The following CPD variants were observed in gnomAD, a reference collection of about 807,000 sequenced individuals.
CPD encodes carboxypeptidase D.
Under a neutral mutation model 138.3 loss-of-function variants are expected in CPD, and 69 were observed. That is an observed-to-expected ratio of 0.50 (90% CI 0.41 to 0.61). The LOEUF (loss-of-function observed/expected upper bound fraction) is 0.61, where lower values mean the gene tolerates loss of function less well. CPD is among the 20% of genes least tolerant of loss of function. The pLI, the probability that CPD is intolerant of heterozygous loss-of-function variation, is 0.00. For synonymous variants in CPD, 651 were observed against 642.1 expected, an observed-to-expected ratio of 1.01 and a Z score of -0.21; for missense variants, 1,432 against 1,733.3, an observed-to-expected ratio of 0.83 and a Z score of 3.09.
intron 2 of CPD, among the ~76,000 whole-genome samples, chr17:30,412,732 G>A (rs1241887727): frequency 6.6e-6 from 1 of 152,178 alleles, no homozygotes; most frequent in East Asian, 1.9e-4. Context: ...AAGACCATGG[G>A]AAAAGCACAG....
At chr17:30,452,760 C>T (rs193190794) in intron 14 of CPD, among the ~76,000 whole-genome samples, 22 of 151,788 alleles carry the variant, frequency 1.4e-4, no homozygotes, top group Admixed American at 1.3e-3. Flanking sequence ...TGTCCATTTT[C>T]ACACTGCTGA....
At chr17:30,425,358 G>C (rs562322495) in intron 6 of CPD, among the ~76,000 whole-genome samples, 1 of 152,024 alleles carries the variant, frequency 6.6e-6, no homozygotes. Context: ...GTACAGAGAG[G>C]AGTATAGAGT....
chr17:30,424,844 A>C (rs1334013957), intron 6 of CPD, among the ~76,000 whole-genome samples: 1 of 152,184 alleles, frequency 6.6e-6, no homozygotes, highest in Non-Finnish European at 1.5e-5. Context: ...ACCATAGTAT[A>C]ATATGGAGCC....
At chr17:30,403,972 CAA>C (rs149142328) in intron 2 of CPD, among the ~76,000 whole-genome samples, 12,336 of 152,066 alleles carry the variant, frequency 0.081, 608 homozygotes, top group African/African-American at 0.14. Flanking sequence ...AGATGAGTCT[CAA>C]AAGCATTATG....
chr17:30,427,690 A>G, intron 7 of CPD, 132 bp downstream of exon 7: 1 of 743,276 alleles, frequency 1.3e-6, no homozygotes, highest in Non-Finnish European at 2.2e-6. Context: ...GGCAGACAAC[A>G]GTAAAGGTCT....
chr17:30,399,014 T>TAGA (rs1911582332), intron 2 of CPD, among the ~76,000 whole-genome samples: 1 of 151,950 alleles, frequency 6.6e-6, no homozygotes, highest in South Asian at 2.1e-4. Context: ...AAGATAAAGG[T>TAGA]AGACATCACA....
In CPD at chr17:30,379,514, G is replaced by C. The variant is rs140283576; in HGVS notation, c.534G>C (p.Leu178=). 550 of 1,570,668 alleles carry C rather than the reference G, an allele frequency of 3.5e-4. No individual in the cohort carries two copies. The highest frequency in any genetic ancestry group is 4.3e-4 in the Non-Finnish European group (495 of 1,163,318). ...VRLLNTTDVY[L]LPSLNPDGFE... Reference sequence around the variant, plus strand: ...TGCTCAACACCACCGACGTGTACCTGCTGCCCAGCCTCAACCCCGATGGCT... The same window carrying C: ...TGCTCAACACCACCGACGTGTACCTCCTGCCCAGCCTCAACCCCGATGGCT... Residue 178 remains leucine (L), a synonymous_variant, in exon 1 of 21, where the codon CTG becomes CTC. Coordinates refer to ENST00000225719, the MANE Select transcript of CPD (RefSeq NM_001304.5). The surrounding 1 kb of genome is among the most constrained non-coding windows in gnomAD (Gnocchi z 7.0).
At position 30,422,839 on chromosome 17, in the gene CPD, C is replaced by G. The variant is rs781167370; in HGVS notation, c.1473C>G (p.Ser491=). The part of the protein sequence containing the change: ...AIPNILSGTS[S]SYQPIQPKDF... ...CTAATATTCTTTCTGGAACATCATC[C>G]TCCTACCAGCCAATTCAGCCAAAGG... The change falls in exon 5 of 21, where the codon TCC becomes TCG. Residue 491 remains serine, a synonymous_variant. Coordinates refer to ENST00000225719, the MANE Select transcript of CPD (RefSeq NM_001304.5). 4.8e-5 allele frequency: 78 copies of G among 1,613,944 alleles called. No individual in the cohort carries two copies. In the East Asian group the frequency reaches 1.7e-3, roughly 35 times the overall value.
chr17:30,388,224 A>G (rs1443688140), intron 2 of CPD, among the ~76,000 whole-genome samples: 1 of 152,100 alleles, frequency 6.6e-6, no homozygotes, highest in African/African-American at 2.4e-5. Context: ...CAGCCTGGAA[A>G]AGGCACAAGT....
chr17:30,445,503 A>G (rs1014726565), intron 11 of CPD, among the ~76,000 whole-genome samples, 188 bp from the exon 12 acceptor site: 4 of 152,160 alleles, frequency 2.6e-5, no homozygotes, highest in African/African-American at 9.7e-5. Flanking sequence ...ATATTTTGTA[A>G]TATACCCATG....
chr17:30,418,251 G>A (rs866854440), intron 2 of CPD, among the ~76,000 whole-genome samples: 1 of 151,816 alleles, frequency 6.6e-6, no homozygotes, highest in African/African-American at 2.4e-5. Context: ...CGCAATCTTG[G>A]CTCACTGCAG....
At chr17:30,416,295 G>A (rs749037895) in intron 2 of CPD, among the ~76,000 whole-genome samples, 1 of 152,148 alleles carries the variant, frequency 6.6e-6, no homozygotes, top group Non-Finnish European at 1.5e-5. Flanking sequence ...TTGAGCCATT[G>A]CACTCCAGCC....
chr17:30,460,899 C>T (rs1164247431), intron 17 of CPD, among the ~76,000 whole-genome samples: 3 of 152,138 alleles, frequency 2.0e-5, no homozygotes, highest in South Asian at 2.1e-4. Flanking sequence ...TCAGCAAACC[C>T]GAATAAACCC....
intron 8 of CPD, among the ~76,000 whole-genome samples, chr17:30,433,123 CT>C (rs1398750761): frequency 6.6e-6 from 1 of 152,158 alleles, no homozygotes; most frequent in Non-Finnish European, 1.5e-5. Context: ...TTCCCATTCC[CT>C]CATCCTCTGC....
rs887493992 is a variant in CPD, at chr17:30,456,488, C to T, written c.3460C>T (p.Arg1154Cys). 1 of 1,614,080 alleles carries T rather than the reference C, an allele frequency of 6.2e-7. No homozygotes were observed. Among genetic ancestry groups the T allele is most frequent in the Non-Finnish European group, 8.5e-7 (1 of 1,180,002 alleles). The change falls in exon 17 of 21, where the codon CGT becomes TGT. Residue 1154 changes from arginine (R) to cysteine (C), a missense_variant. By Grantham distance (180) the Arg-to-Cys change is radical (BLOSUM62 -3). Coordinates refer to ENST00000225719, the MANE Select transcript of CPD (RefSeq NM_001304.5). ...TGAGAATATTCCAGGAGGAGTAATG[C>T]GTGGAGCAGAATGGCATAGTCACCT... is the stretch of plus-strand genomic sequence containing the variant. ...SDENIPGGVM[R>C]GAEWHSHLGS...
chr17:30,422,970 C>A lies in CPD; in HGVS notation c.1604C>A (p.Ser535Ter). 1 of 1,613,906 alleles carries A rather than the reference C, an allele frequency of 6.2e-7. No individual in the cohort carries two copies. The highest frequency in any genetic ancestry group is 1.1e-5 in the South Asian group (1 of 91,042). ...RLYSLGKSVE[S>*]RELYVMEISD... ...TATTCCTTGGGAAAATCAGTAGAGT[C>A]AAGAGAACTTTATGTGATGGAGATA... Residue 535 changes from serine to a stop codon, truncating the protein, a stop_gained, in exon 5 of 21, where the codon TCA becomes TAA. Transcript: ENST00000225719. LOFTEE classifies it high-confidence loss of function.
intron 1 of CPD, chr17:30,380,613 A>T (rs1410335432): frequency 1.3e-6 from 2 of 1,516,152 alleles, no homozygotes; most frequent in South Asian, 2.5e-5. Context: ...AATTAGTATA[A>T]AACAAGAGAA....
intron 10 of CPD, 35 bp from the exon 11 acceptor site, chr17:30,443,767 A>G (rs770265655): frequency 1.5e-5 from 23 of 1,544,878 alleles, no homozygotes; most frequent in Middle Eastern, 3.5e-4. Context: ...GATGATGTTT[A>G]TTATTGAAAT....
chr17:30,417,754 C>G (rs4343337), intron 2 of CPD, among the ~76,000 whole-genome samples: 74,599 of 152,022 alleles, frequency 0.49, 18,777 homozygotes, highest in East Asian at 0.83. Flanking sequence ...ATCCCCCACG[C>G]CTTTCCAGAC....
Sources: gnomAD v4.1 joint callset for allele counts (sites outside exome capture counted in the v4.1 genomes callset) on GRCh38, gnomAD v4.1.1 for gene constraint, Gnocchi (gnomAD v3.1) non-coding constraint, MANE v1.5 for transcripts, NCBI Gene and HGNC (gene_info 2026-07-23, HGNC 2026-07-21) for gene names.